The following PRKAG2 variants were observed in gnomAD, a reference collection of about 807,000 sequenced individuals.
The protein encoded by PRKAG2 is 5'-AMP-activated protein kinase subunit gamma-2.
A neutral mutation model predicts 69.6 loss-of-function variants in PRKAG2; 26 were observed. That is an observed-to-expected ratio of 0.37 (90% CI 0.27 to 0.52). The LOEUF is 0.52. Among genes scored for constraint, PRKAG2 ranks in the 20% least tolerant of loss-of-function variants. The pLI is 0.90. For synonymous variants in PRKAG2, 293 were observed against 285.0 expected, an observed-to-expected ratio of 1.03 and a Z score of -0.28; for missense variants, 557 against 740.0, an observed-to-expected ratio of 0.75 and a Z score of 2.87.
At chr7:151,708,685 C>CATGGG (rs1563488070) in intron 3 of PRKAG2, among the ~76,000 whole-genome samples, 1 of 152,122 alleles carries the variant, frequency 6.6e-6, no homozygotes, top group Non-Finnish European at 1.5e-5. Flanking sequence ...TGGGCAGTGA[C>CATGGG]CAGAGGGGAT....
In PRKAG2 at chr7:151,600,152, C is replaced by T. The variant is rs183805258; in HGVS notation, c.755-4698G>A. Among the ~76,000 whole-genome samples the T allele has an allele frequency of 1.8e-3, 274 of 152,276 alleles. 3 individuals are homozygous for T. Among genetic ancestry groups the T allele is most frequent in the Admixed American group, 2.4e-3 (36 of 15,294 alleles). On this transcript the variant is annotated intron_variant, in intron 5 of 15. Transcript: ENST00000287878. ...GCTGATCCCCCTCCTTCCCTCGGCC[C>T]GCCACAACTGCTTTCCCCGTTCTGC...
chr7:151,808,515 C>T (rs1197864097), intron 1 of PRKAG2, among the ~76,000 whole-genome samples: 1 of 151,954 alleles, frequency 6.6e-6, no homozygotes, highest in Non-Finnish European at 1.5e-5. Flanking sequence ...CATGGCTGAG[C>T]GCCTGGTGAT....
intron 1 of PRKAG2, among the ~76,000 whole-genome samples, chr7:151,845,056 G>A (rs1380317302): frequency 1.3e-5 from 2 of 151,624 alleles, no homozygotes; most frequent in African/African-American, 4.9e-5. Context: ...CAAGGGTGCT[G>A]GGAGACATCT....
intron 3 of PRKAG2, among the ~76,000 whole-genome samples, chr7:151,762,646 G>C (rs144658990): frequency 6.4e-4 from 97 of 152,330 alleles, no homozygotes; most frequent in African/African-American, 2.3e-3. Context: ...CAGCACCTCT[G>C]AGCTGTGTGC....
intron 3 of PRKAG2, among the ~76,000 whole-genome samples, chr7:151,688,879 A>AG (rs1160338294): frequency 2.0e-5 from 3 of 152,074 alleles, no homozygotes; most frequent in Admixed American, 6.5e-5. Context: ...CTGTATTCCG[A>AG]GGGGTCTCAA....
chr7:151,688,042 G>GCCCCCCCCCCCCCCCCCCCC (rs61417635), intron 3 of PRKAG2, among the ~76,000 whole-genome samples: 1 of 106,980 alleles, frequency 9.3e-6, no homozygotes, highest in African/African-American at 3.3e-5. Context: ...AGGAAATGAG[G>GCCCCCCCCCCCCCCCCCCCC]CCCCCCCCCG....
At chr7:151,592,865 A>G (rs1308486645) in intron 6 of PRKAG2, among the ~76,000 whole-genome samples, 1 of 152,146 alleles carries the variant, frequency 6.6e-6, no homozygotes, top group African/African-American at 2.4e-5. Flanking sequence ...TGTGTCTAGA[A>G]AATACTCAAA....
rs869025499 is a variant in PRKAG2 at position 151,576,449 on chromosome 7, T to C, written c.868A>G (p.Lys290Glu). The C allele has an allele frequency of 6.3e-7, 1 of 1,595,044 alleles. No individual in the cohort carries two copies. The highest frequency in any genetic ancestry group is 8.6e-7 in the Non-Finnish European group (1 of 1,162,796). ...LVVFDTTLQV[K>E]KAFFALVANG... Reference sequence around the variant, plus strand: ...GCTACCAAAGCAAAGAAGGCCTTTTTAACCTGAAGAAAAAGAGGAGAAACA... The same window carrying C: ...GCTACCAAAGCAAAGAAGGCCTTTTCAACCTGAAGAAAAAGAGGAGAAACA... Residue 290 changes from lysine (K) to glutamate (E), a missense_variant, in exon 7 of 16, where the codon AAA becomes GAA. By Grantham distance (56) the Lys-to-Glu change is moderately conservative (BLOSUM62 1). Around this residue, in one of 2 missense-constraint regions of PRKAG2, gnomAD observed 205 missense variants for 383.4 expected, o/e 0.53. Transcript: ENST00000287878.
intron 4 of PRKAG2, among the ~76,000 whole-genome samples, chr7:151,659,812 T>C (rs1188923127): frequency 6.6e-6 from 1 of 152,258 alleles, no homozygotes; most frequent in Non-Finnish European, 1.5e-5. Flanking sequence ...GATAGCCTCT[T>C]GGAGGCTCCG....
intron 3 of PRKAG2, among the ~76,000 whole-genome samples, chr7:151,685,999 G>A (rs1380711358): frequency 1.3e-5 from 2 of 152,130 alleles, no homozygotes; most frequent in African/African-American, 4.8e-5. Flanking sequence ...CCTGTGAGAC[G>A]GTTTTGCTCT....
intron 4 of PRKAG2, among the ~76,000 whole-genome samples, chr7:151,657,010 G>C (rs745349371): frequency 6.6e-6 from 1 of 151,940 alleles, no homozygotes; most frequent in Admixed American, 6.6e-5. Flanking sequence ...GGTGGCAGGC[G>C]CCTGGAATCC....
At chr7:151,648,642 T>TAAAAA (rs1827951524) in intron 4 of PRKAG2, among the ~76,000 whole-genome samples, 1 of 152,216 alleles carries the variant, frequency 6.6e-6, no homozygotes, top group Non-Finnish European at 1.5e-5. Context: ...CCAGTGTTTT[T>TAAAAA]AAAACTGTAA....
chr7:151,748,265 A>G (rs1026842153), intron 3 of PRKAG2, among the ~76,000 whole-genome samples: 30 of 152,238 alleles, frequency 2.0e-4, no homozygotes, highest in African/African-American at 7.2e-4. Context: ...TACTTACAGT[A>G]TAAGTAAACA....
At chr7:151,761,564 G>A (rs561065345) in intron 3 of PRKAG2, among the ~76,000 whole-genome samples, 3 of 152,230 alleles carry the variant, frequency 2.0e-5, no homozygotes, top group Non-Finnish European at 4.4e-5. Context: ...CTAATCAGCT[G>A]CACCCATTCC....
rs986722172 is a variant in PRKAG2, at chr7:151,850,844, C to T, written c.114+25663G>A. Among the ~76,000 whole-genome samples the T allele has an allele frequency of 6.6e-6, 1 of 152,230 alleles. No homozygotes were observed. Among genetic ancestry groups the T allele is most frequent in the Non-Finnish European group, 1.5e-5 (1 of 68,046 alleles). On this transcript the variant is annotated intron_variant, in intron 1 of 15. Transcript: ENST00000287878. The surrounding 1 kb of genome is among the most constrained non-coding windows in gnomAD (Gnocchi z 4.1). Reference sequence around the variant, plus strand: ...GCTGAAGATCTAGTCCCTCCCCCCACAGTCACTGATGGTGTCACTGAAAGC... The same window carrying T: ...GCTGAAGATCTAGTCCCTCCCCCCATAGTCACTGATGGTGTCACTGAAAGC...
At chr7:151,620,744 T>G (rs1048501334) in intron 5 of PRKAG2, among the ~76,000 whole-genome samples, 20 of 151,480 alleles carry the variant, frequency 1.3e-4, no homozygotes, top group African/African-American at 4.4e-4. Flanking sequence ...CCTCCCAAAG[T>G]GTTGGGATTA....
intron 5 of PRKAG2, among the ~76,000 whole-genome samples, chr7:151,600,475 C>G (rs1424452275): frequency 2.0e-5 from 3 of 152,208 alleles, no homozygotes; most frequent in Non-Finnish European, 4.4e-5. Flanking sequence ...GTGGACCACT[C>G]TCAAGTCTAT....
In PRKAG2 at chr7:151,632,379, G is replaced by T; in HGVS notation, c.685-241C>A. ...GGCCCGCGTGCCCCTCCGCGAGTGG[G>T]ACGCGCCGCTCCCCCCCGCGCCTTG... On this transcript the variant is annotated intron_variant, in intron 4 of 15. Transcript: ENST00000287878. The surrounding 1 kb of genome is among the most constrained non-coding windows in gnomAD (Gnocchi z 4.2). The T allele has an allele frequency of 2.1e-6, 1 of 472,972 alleles. No homozygotes were observed. Among genetic ancestry groups the T allele is most frequent in the Non-Finnish European group, 2.7e-6 (1 of 363,872 alleles). The allele number at this position is 472,972 out of a possible 1,614,324, so 29.3% of individuals were successfully genotyped here.
intron 3 of PRKAG2, among the ~76,000 whole-genome samples, chr7:151,761,534 C>T (rs531443185): frequency 6.6e-6 from 1 of 152,304 alleles, no homozygotes; most frequent in East Asian, 1.9e-4. Flanking sequence ...ATTTTCCACA[C>T]CCCTCTGAAG....
Sources: gnomAD v4.1 joint callset for allele counts (sites outside exome capture counted in the v4.1 genomes callset) on GRCh38, gnomAD v4.1.1 for gene constraint, gnomAD v4.1.1 regional missense constraint, Gnocchi (gnomAD v3.1) non-coding constraint, MANE v1.5 for transcripts, NCBI Gene and HGNC (gene_info 2026-07-23, HGNC 2026-07-21) for gene names.